ATXN2: variants seen among roughly 807,000 people sequenced by gnomAD.
The protein encoded by ATXN2 is ataxin 2, also known as ataxin-2.
ATXN2 carries 37 observed loss-of-function variants against 138.6 expected under a neutral mutation model. The observed-to-expected ratio is 0.27, with a 90% CI of 0.21 to 0.35. The LOEUF is 0.35. ATXN2 is among the 10% of genes least tolerant of loss of function. ATXN2 has a pLI of 1.00. For missense variants in ATXN2, 1,216 were observed against 1,480.3 expected (o/e 0.82, Z 2.93); for synonymous variants, 549 against 543.7 (o/e 1.01, Z -0.13).
chr12:111,572,421 A>G (rs1053049629), intron 1 of ATXN2, among the ~76,000 whole-genome samples: 3 of 151,712 alleles, frequency 2.0e-5, no homozygotes, highest in Admixed American at 2.0e-4. Context: ...AAACAAATTT[A>G]CTATCTGGCC....
At chr12:111,481,625 T>C (rs575861846) in intron 18 of ATXN2, among the ~76,000 whole-genome samples, 2 of 152,278 alleles carry the variant, frequency 1.3e-5, no homozygotes, top group South Asian at 2.1e-4. Context: ...ATTTCTACTT[T>C]AGGAGAAATG....
intron 5 of ATXN2, among the ~76,000 whole-genome samples, chr12:111,544,813 A>T (rs902807529): frequency 6.6e-6 from 1 of 152,200 alleles, no homozygotes; most frequent in Non-Finnish European, 1.5e-5. Context: ...TGGCAGTTAG[A>T]GGTTAATCGT....
In ATXN2 at chr12:111,576,140, C is replaced by CATCACACCAA. The variant is rs1555243090; in HGVS notation, c.252-20222_252-20221insTTGGTGTGAT. ...CATAACATAACATAACATAACATCA[C>CATCACACCAA]ACCAAACCAAACCAATAGTCTGGCC... On this transcript the variant is annotated intron_variant, in intron 1 of 24. Transcript: ENST00000673436. Among the ~76,000 whole-genome samples, 244 of 102,264 alleles carry CATCACACCAA rather than the reference C, an allele frequency of 2.4e-3. 1 individual carries two copies. Among genetic ancestry groups the CATCACACCAA allele is most frequent in the South Asian group, 4.5e-3 (14 of 3,134 alleles). 67.1% of individuals were successfully genotyped at this position (102,264 alleles called of 152,430 possible).
chr12:111,522,338 C>G (rs188722776), intron 6 of ATXN2, among the ~76,000 whole-genome samples: 1 of 152,088 alleles, frequency 6.6e-6, no homozygotes, highest in African/African-American at 2.4e-5. Flanking sequence ...TGGCCGGGCA[C>G]GGTGGCTCAT....
chr12:111,534,341 C>A (rs1347525239), intron 5 of ATXN2, among the ~76,000 whole-genome samples: 1 of 151,832 alleles, frequency 6.6e-6, no homozygotes, highest in Admixed American at 6.6e-5. Context: ...GAGGAGGTTG[C>A]GGTGAGCCAA....
chr12:111,510,056 C>A, intron 12 of ATXN2, 58 bp from the exon 13 acceptor site: 1 of 1,201,312 alleles, frequency 8.3e-7, no homozygotes, highest in Admixed American at 2.3e-5. Context: ...AACAAGAAAA[C>A]ACTGAACAAT....
Position 111,519,865 on chromosome 12 carries a change from T to C in ATXN2, c.986+14A>G, listed in dbSNP as rs1880058717. 6.2e-7 allele frequency: 1 copy of C among 1,614,034 alleles called. No homozygotes were observed. The highest frequency in any genetic ancestry group is 1.7e-5 in the Admixed American group (1 of 60,008). On this transcript the variant is annotated intron_variant, in intron 8 of 24. Transcript: ENST00000673436. ...GTGTATCCAAAATACTGCATCATGA[T>C]TTCCTTTAAATACCTAGTGTTTATG...
chr12:111,573,990 T>C (rs1056658760), intron 1 of ATXN2, among the ~76,000 whole-genome samples: 5 of 151,766 alleles, frequency 3.3e-5, no homozygotes, highest in Admixed American at 2.6e-4. Context: ...CATTCTTATA[T>C]ATTTCCTTAC....
At chr12:111,455,257 G>A (rs1055239597) in intron 23 of ATXN2, 6 of 643,402 alleles carry the variant, frequency 9.3e-6, no homozygotes, top group African/African-American at 5.4e-5. Context: ...CAAGGCCAGC[G>A]TTAGAGCCCA....
rs182974733 is a variant in ATXN2 at position 111,517,399 on chromosome 12, G to A, written c.1165+850C>T. Reference sequence around the variant, plus strand: ...ATTTGGAGAGGAATTCTGGAGAAAAGACTCAATGAAAACAAATGAAATTGG... The same window carrying A: ...ATTTGGAGAGGAATTCTGGAGAAAAAACTCAATGAAAACAAATGAAATTGG... On this transcript the variant is annotated intron_variant, in intron 9 of 24. Transcript: ENST00000673436. 3.0e-3 allele frequency among the ~76,000 whole-genome samples: 460 copies of A among 152,218 alleles called. 8 individuals carry two copies. The highest frequency in any genetic ancestry group is 5.0e-4 in the Non-Finnish European group (34 of 67,972).
chr12:111,581,719 C>T, intron 1 of ATXN2: 1 of 660,742 alleles, frequency 1.5e-6, no homozygotes, highest in East Asian at 2.9e-5. Flanking sequence ...TGATTGTGCG[C>T]ATCATTACGA....
chr12:111,533,273 G>A lies in ATXN2; in HGVS notation c.572-7957C>T, dbSNP rs146132147. 2.5e-3 allele frequency among the ~76,000 whole-genome samples: 375 copies of A among 152,240 alleles called. 2 individuals are homozygous for A. Among genetic ancestry groups the A allele is most frequent in the Middle Eastern group, 6.8e-3 (2 of 294 alleles). ...CAACACACACTACAGTTGTCCTTCAGCATCTATGGGGGATTGGTTCTAATA... is the reference window on the plus strand; with the variant it reads ...CAACACACACTACAGTTGTCCTTCAACATCTATGGGGGATTGGTTCTAATA... On this transcript the variant is annotated intron_variant, in intron 5 of 24. Transcript: ENST00000673436.
At chr12:111,498,876 G>T (rs1878586009) in intron 14 of ATXN2, among the ~76,000 whole-genome samples, 3 of 152,030 alleles carry the variant, frequency 2.0e-5, no homozygotes, top group Non-Finnish European at 2.9e-5. Flanking sequence ...ACAGAACAGA[G>T]AACTCAGAAA....
intron 1 of ATXN2, among the ~76,000 whole-genome samples, chr12:111,587,574 T>C (rs1884407867): frequency 1.3e-5 from 2 of 152,016 alleles, no homozygotes; most frequent in Non-Finnish European, 2.9e-5. Context: ...GAGGACTGCT[T>C]GAGCCCAGGA....
In ATXN2 at chr12:111,516,611, A is replaced by G. The variant is rs558124987; in HGVS notation, c.1166-248T>C. ...GTTCCCAAAGGGTTAATTAGGATCT[A>G]TACACACTATTGAAGAAGACAGTTA... On this transcript the variant is annotated intron_variant, in intron 9 of 24. Coordinates refer to ENST00000673436, the MANE Select transcript of ATXN2 (RefSeq NM_001372574.1). This position sits in a 1 kb window ranked among gnomAD's most constrained non-coding sequence, Gnocchi z 5.0. 6.6e-6 allele frequency among the ~76,000 whole-genome samples: 1 copy of G among 152,308 alleles called. No individual in the cohort carries two copies. The highest frequency in any genetic ancestry group is 2.1e-4 in the South Asian group (1 of 4,822).
At chr12:111,477,447 A>C (rs1023730240) in intron 18 of ATXN2, among the ~76,000 whole-genome samples, 2 of 152,088 alleles carry the variant, frequency 1.3e-5, no homozygotes, top group African/African-American at 4.8e-5. Flanking sequence ...ATGAAGCTAG[A>C]CCTTTACATC....
chr12:111,522,180 A>G (rs1294241760), intron 6 of ATXN2, among the ~76,000 whole-genome samples: 1 of 151,432 alleles, frequency 6.6e-6, no homozygotes, highest in Non-Finnish European at 1.5e-5. Flanking sequence ...AGGAAATCAC[A>G]CTTACTTATG....
chr12:111,552,822 A>G lies in ATXN2; in HGVS notation c.420+84T>C. Reference sequence around the variant, plus strand: ...TTGAAACTGAGAAGTAAAATCATTCAAAGTGGCTTTAAAAACTAGGTAAAA... The same window carrying G: ...TTGAAACTGAGAAGTAAAATCATTCGAAGTGGCTTTAAAAACTAGGTAAAA... On this transcript the variant is annotated intron_variant, in intron 4 of 24. Coordinates refer to ENST00000673436, the MANE Select transcript of ATXN2 (RefSeq NM_001372574.1). The surrounding 1 kb of genome is among the most constrained non-coding windows in gnomAD (Gnocchi z 4.1). 3 of 909,182 alleles carry G rather than the reference A, an allele frequency of 3.3e-6. No individual in the cohort carries two copies. Among genetic ancestry groups the G allele is most frequent in the Non-Finnish European group, 3.3e-6 (2 of 610,412 alleles). 56.3% of individuals were successfully genotyped at this position (909,182 alleles called of 1,614,324 possible).
At chr12:111,519,663 C>T (rs1014283185) in intron 8 of ATXN2, among the ~76,000 whole-genome samples, 4 of 152,122 alleles carry the variant, frequency 2.6e-5, no homozygotes, top group South Asian at 2.1e-4. Context: ...GATTGCTCAC[C>T]GTGATATACC....
Sources: allele counts gnomAD v4.1 joint callset (sites outside exome capture counted in the v4.1 genomes callset), GRCh38; gene constraint gnomAD v4.1.1; non-coding constraint Gnocchi (gnomAD v3.1); transcripts MANE v1.5; gene names NCBI Gene and HGNC (gene_info 2026-07-23, HGNC 2026-07-21).